The following CPNE4 variants were observed in gnomAD, a reference collection of about 807,000 sequenced individuals.
The protein encoded by CPNE4 is copine-4.
A neutral mutation model predicts 67.9 loss-of-function variants in CPNE4; 25 were observed. The ratio of observed to expected loss-of-function variants is 0.37; its 90% CI spans 0.27 to 0.51. The LOEUF (loss-of-function observed/expected upper bound fraction) is 0.51, where lower values mean the gene tolerates loss of function less well. CPNE4 is among the 20% of genes least tolerant of loss of function. The pLI, the probability that CPNE4 is intolerant of heterozygous loss-of-function variation, is 0.93. For synonymous variants in CPNE4, 242 were observed against 244.9 expected (o/e 0.99, Z 0.11); for missense variants, 464 against 690.8 (o/e 0.67, Z 3.68).
chr3:131,778,520 C>T (rs1364472988), intron 2 of CPNE4, among the ~76,000 whole-genome samples: 1 of 152,102 alleles, frequency 6.6e-6, no homozygotes, highest in East Asian at 1.9e-4. Flanking sequence ...TAAAATACAG[C>T]TTCTGGCATA....
intron 3 of CPNE4, among the ~76,000 whole-genome samples, chr3:131,706,175 G>A (rs1298987618): frequency 6.6e-6 from 1 of 152,188 alleles, no homozygotes; most frequent in African/African-American, 2.4e-5. Flanking sequence ...GTCAGAAGAT[G>A]CTTGAAGGAA....
intron 1 of CPNE4, among the ~76,000 whole-genome samples, chr3:132,016,610 G>T (rs547971553): frequency 1.9e-4 from 29 of 152,258 alleles, no homozygotes; most frequent in African/African-American, 7.0e-4. Flanking sequence ...AAAAACTGGG[G>T]TAACAAAAAT....
intron 1 of CPNE4, among the ~76,000 whole-genome samples, chr3:132,020,758 G>A (rs77379247): frequency 0.042 from 6,373 of 152,240 alleles, 185 homozygotes; most frequent in Middle Eastern, 0.085. Context: ...TTTGGTACAT[G>A]AGTGAAGGCA....
At chr3:131,901,022 A>G (rs2088533721) in intron 2 of CPNE4, among the ~76,000 whole-genome samples, 1 of 152,146 alleles carries the variant, frequency 6.6e-6, no homozygotes, top group Non-Finnish European at 1.5e-5. Context: ...AGTTTGGAGT[A>G]TAATTTGGGT....
At chr3:131,865,650 C>A (rs1199177510) in intron 2 of CPNE4, among the ~76,000 whole-genome samples, 1 of 152,128 alleles carries the variant, frequency 6.6e-6, no homozygotes, top group Non-Finnish European at 1.5e-5. Flanking sequence ...TGCTTCTGAC[C>A]TCCACCACCA....
chr3:131,780,918 G>C (rs1246420544), intron 2 of CPNE4, among the ~76,000 whole-genome samples: 1 of 152,076 alleles, frequency 6.6e-6, no homozygotes, highest in African/African-American at 2.4e-5. Flanking sequence ...GGGGAGATAT[G>C]GAAACAGCAC....
At chr3:131,726,063 G>A (rs1284739028) in intron 2 of CPNE4, among the ~76,000 whole-genome samples, 1 of 152,174 alleles carries the variant, frequency 6.6e-6, no homozygotes, top group Non-Finnish European at 1.5e-5. Flanking sequence ...TGCTGTGGGT[G>A]CATTTGACAT....
intron 1 of CPNE4, among the ~76,000 whole-genome samples, chr3:131,983,275 T>C (rs2072955827): frequency 6.6e-6 from 1 of 152,272 alleles, no homozygotes. Flanking sequence ...ACCCTTAAAA[T>C]GTATATAGTT....
At chr3:131,556,871 C>T (rs1936485875) in intron 11 of CPNE4, among the ~76,000 whole-genome samples, 1 of 152,032 alleles carries the variant, frequency 6.6e-6, no homozygotes, top group Non-Finnish European at 1.5e-5. Context: ...TTGATGCATA[C>T]AATGTACCAG....
At chr3:131,716,777 C>A (rs1265098066) in intron 3 of CPNE4, among the ~76,000 whole-genome samples, 1 of 152,192 alleles carries the variant, frequency 6.6e-6, no homozygotes, top group East Asian at 1.9e-4. Context: ...TTATTATTTC[C>A]ATTTTTCAAA....
chr3:131,979,688 A>G (rs533152250), intron 1 of CPNE4, among the ~76,000 whole-genome samples: 2 of 152,232 alleles, frequency 1.3e-5, no homozygotes, highest in East Asian at 3.9e-4. Context: ...ATCTAATGTT[A>G]GTATTGAAAT....
Position 131,694,685 on chromosome 3 carries a change from C to G in CPNE4, c.507+1857G>C, listed in dbSNP as rs188252863. 3.3e-3 allele frequency among the ~76,000 whole-genome samples: 504 copies of G among 152,240 alleles called. 3 individuals are homozygous for G. Among genetic ancestry groups the G allele is most frequent in the African/African-American group, 0.011 (452 of 41,528 alleles). Reference sequence around the variant, plus strand: ...GATACTCTAAAGGAAGTGTGACTACCCCAGGACCACCAAGTAGGCACTCTG... The same window carrying G: ...GATACTCTAAAGGAAGTGTGACTACGCCAGGACCACCAAGTAGGCACTCTG... On this transcript the variant is annotated intron_variant, in intron 5 of 15. Coordinates refer to ENST00000429747, the MANE Select transcript of CPNE4 (RefSeq NM_130808.3).
chr3:131,663,893 G>T (rs2080193124), intron 7 of CPNE4, among the ~76,000 whole-genome samples: 1 of 152,094 alleles, frequency 6.6e-6, no homozygotes, highest in South Asian at 2.1e-4. Context: ...CTTCTCTTCT[G>T]CCATTTCCTT....
intron 2 of CPNE4, among the ~76,000 whole-genome samples, chr3:131,877,712 T>C (rs961371927): frequency 6.6e-6 from 1 of 152,222 alleles, no homozygotes; most frequent in South Asian, 2.1e-4. Flanking sequence ...TGGCTACTAT[T>C]ATGATAATGA....
intron 1 of CPNE4, among the ~76,000 whole-genome samples, chr3:131,944,745 T>C (rs2071500537): frequency 6.6e-6 from 1 of 152,180 alleles, no homozygotes. Flanking sequence ...AGATACTGTT[T>C]TTTGAAGATG....
At chr3:132,002,780 C>T (rs2073489935) in intron 1 of CPNE4, among the ~76,000 whole-genome samples, 1 of 152,062 alleles carries the variant, frequency 6.6e-6, no homozygotes, top group Non-Finnish European at 1.5e-5. Flanking sequence ...CATATTTAAA[C>T]AAGTATCCTT....
At chr3:131,540,360 C>A (rs968496774) in intron 15 of CPNE4, among the ~76,000 whole-genome samples, 11 of 152,184 alleles carry the variant, frequency 7.2e-5, no homozygotes, top group African/African-American at 2.7e-4. Context: ...GAAGTCTGGG[C>A]AGGTCATGAA....
intron 1 of CPNE4, among the ~76,000 whole-genome samples, chr3:132,005,635 A>G (rs886774743): frequency 6.6e-6 from 1 of 151,944 alleles, no homozygotes; most frequent in Non-Finnish European, 1.5e-5. Flanking sequence ...AGGAAATTAT[A>G]GTCATTCCCC....
At chr3:131,698,712 C>A (rs193208995) in intron 4 of CPNE4, among the ~76,000 whole-genome samples, 2 of 151,418 alleles carry the variant, frequency 1.3e-5, no homozygotes, top group East Asian at 1.9e-4. Flanking sequence ...GAGTTGGAGA[C>A]CAACCTGGCC....
Sources: allele counts gnomAD v4.1 joint callset (sites outside exome capture counted in the v4.1 genomes callset), GRCh38; gene constraint gnomAD v4.1.1; transcripts MANE v1.5; gene names NCBI Gene and HGNC (gene_info 2026-07-23, HGNC 2026-07-21).